Variants in PCDHA10 observed in about 807,000 individuals in gnomAD.
PCDHA10 encodes protocadherin alpha 10.
Under a neutral mutation model 61.2 loss-of-function variants are expected in PCDHA10, and 45 were observed. The ratio of observed to expected loss-of-function variants is 0.74; its 90% CI spans 0.58 to 0.94. The LOEUF is 0.94. Ranked by LOEUF, PCDHA10 falls within the 40% of genes least tolerant of loss-of-function variation. The pLI is 0.00. For synonymous variants in PCDHA10, 602 were observed against 548.8 expected (o/e 1.10, Z -1.35); for missense variants, 1,278 against 1,236.2 (o/e 1.03, Z -0.51).
chr5:140,895,820 T>A (rs1409721318), intron 1 of PCDHA10, among the ~76,000 whole-genome samples: 2 of 152,156 alleles, frequency 1.3e-5, no homozygotes, highest in Non-Finnish European at 2.9e-5. Context: ...TATTGTATTG[T>A]ATTTTTTTCA....
chr5:140,981,845 T>C (rs184071298), intron 2 of PCDHA10, among the ~76,000 whole-genome samples: 129 of 152,310 alleles, frequency 8.5e-4, no homozygotes, highest in Middle Eastern at 3.4e-3. Flanking sequence ...TCCCAGTTTG[T>C]ATCTCACTCC....
intron 1 of PCDHA10, among the ~76,000 whole-genome samples, chr5:140,879,111 T>A (rs1056977716): frequency 2.0e-4 from 30 of 152,184 alleles, no homozygotes; most frequent in African/African-American, 7.2e-4. Flanking sequence ...ATGGTGTAAT[T>A]GAAGGATTAG....
Position 141,010,015 on chromosome 5 carries a change from C to T in PCDHA10, c.*78C>T, listed in dbSNP as rs1588250671. On this transcript the variant is annotated 3_prime_UTR_variant, in exon 4 of 4. Transcript: ENST00000307360. ...CTCTCCCATGTAGCAATTCCCTGCTCCTTTTTCCTATCTACATGAGCCCTC... is the reference window on the plus strand; with the variant it reads ...CTCTCCCATGTAGCAATTCCCTGCTTCTTTTTCCTATCTACATGAGCCCTC... 7 of 1,572,182 alleles carry T rather than the reference C, an allele frequency of 4.5e-6. No individual in the cohort carries two copies. In the East Asian group the frequency reaches 1.3e-4, roughly 30 times the overall value.
Position 140,870,763 on chromosome 5 carries a change from G to C in PCDHA10, c.2388+12327G>C, listed in dbSNP as rs1386684596. The stretch of plus-strand genomic sequence containing the variant: ...CAGCAACGTGACGCTGCAGGTGTTC[G>C]TGCTGGACGAGAACGACAACGCGCC... On this transcript the variant is annotated intron_variant, in intron 1 of 3. Transcript: ENST00000307360. 1.1e-5 allele frequency: 18 copies of C among 1,613,434 alleles called. No individual in the cohort carries two copies. Among genetic ancestry groups the C allele is most frequent in the Admixed American group, 3.3e-5 (2 of 60,004 alleles).
At chr5:140,879,235 A>G (rs904336289) in intron 1 of PCDHA10, among the ~76,000 whole-genome samples, 5 of 152,240 alleles carry the variant, frequency 3.3e-5, no homozygotes, top group Middle Eastern at 3.2e-3. Flanking sequence ...CATATACAAG[A>G]GGCACTGGCA....
Position 140,857,713 on chromosome 5 carries a change from G to A in PCDHA10, c.1665G>A (p.Leu555=), listed in dbSNP as rs903592431. 5.6e-6 allele frequency: 9 copies of A among 1,597,320 alleles called. No individual in the cohort carries two copies. The highest frequency in any genetic ancestry group is 7.7e-6 in the Non-Finnish European group (9 of 1,167,706). Residue 555 remains leucine (L), a synonymous_variant, in exon 1 of 4, where the codon CTG becomes CTA. Transcript: ENST00000307360. ...ACTTGACGCTGCAGGTGTTCGTGCTGGACGAGAACGACAACGCTCCCGCGC... is the reference window on the plus strand; with the variant it reads ...ACTTGACGCTGCAGGTGTTCGTGCTAGACGAGAACGACAACGCTCCCGCGC... ...GSNLTLQVFV[L]DENDNAPALL...
chr5:140,877,236 C>T, intron 1 of PCDHA10: 8 of 1,613,686 alleles, frequency 5.0e-6, no homozygotes, highest in Non-Finnish European at 6.8e-6. Context: ...TGGGTGCGGG[C>T]CACGTGGTGG....
intron 2 of PCDHA10, among the ~76,000 whole-genome samples, chr5:140,981,928 T>A (rs141616160): frequency 6.6e-6 from 1 of 152,202 alleles, no homozygotes; most frequent in African/African-American, 2.4e-5. Context: ...GTTTCTCTAG[T>A]CTCAGGAAAT....
chr5:140,895,786 A>G (rs2065159984), intron 1 of PCDHA10, among the ~76,000 whole-genome samples: 2 of 152,080 alleles, frequency 1.3e-5, no homozygotes, highest in Non-Finnish European at 2.9e-5. Context: ...GTATTCAATG[A>G]CGTATATGTA....
intron 1 of PCDHA10, chr5:140,871,109 T>C: frequency 1.9e-6 from 3 of 1,613,236 alleles, no homozygotes; most frequent in Non-Finnish European, 2.5e-6. Context: ...GTGTCGTTGG[T>C]GGAGAGCGGA....
intron 1 of PCDHA10, among the ~76,000 whole-genome samples, chr5:140,949,264 G>A (rs139292588): frequency 4.5e-4 from 69 of 151,784 alleles, no homozygotes; most frequent in Admixed American, 2.4e-3. Flanking sequence ...AACATATCAC[G>A]TGCACTTGAA....
At chr5:140,876,395 T>C (rs1562712555) in intron 1 of PCDHA10, 2 of 1,613,920 alleles carry the variant, frequency 1.2e-6, no homozygotes, top group Non-Finnish European at 8.5e-7. Flanking sequence ...TATGGTGAAC[T>C]GGATTTTGAA....
intron 1 of PCDHA10, chr5:140,927,274 G>T: frequency 6.2e-7 from 1 of 1,614,100 alleles, no homozygotes; most frequent in Non-Finnish European, 8.5e-7. Context: ...TCCTGCCGGC[G>T]ACGTGCAGCT....
In PCDHA10 at chr5:140,857,970, C is replaced by A. The variant is rs782641512; in HGVS notation, c.1922C>A (p.Ser641Ter). ...STTRALDETD[S>*]PRQRLLVLVK... ...ACGCGCGCTCTGGATGAGACTGACT[C>A]GCCACGCCAGCGCCTACTGGTGCTG... The change falls in exon 1 of 4, where the codon TCG becomes TAG. Residue 641 changes from serine (S) to a stop codon, truncating the protein, a stop_gained. Transcript: ENST00000307360. LOFTEE classifies it high-confidence loss of function. The A allele has an allele frequency of 6.3e-7, 1 of 1,596,952 alleles. No individual in the cohort carries two copies. Among genetic ancestry groups the A allele is most frequent in the Non-Finnish European group, 8.6e-7 (1 of 1,167,224 alleles).
chr5:140,926,827 C>G, intron 1 of PCDHA10: 1 of 1,500,674 alleles, frequency 6.7e-7, no homozygotes, highest in Non-Finnish European at 8.9e-7. Context: ...CTCCAGGAGT[C>G]CGGAGCATGG....
Position 140,858,184 on chromosome 5 carries a change from G to T in PCDHA10, c.2136G>T (p.Thr712=), listed in dbSNP as rs782618700. The T allele has an allele frequency of 3.1e-6, 5 of 1,597,468 alleles. 1 individual carries two copies. In the South Asian group the frequency reaches 4.4e-5, roughly 14 times the overall value. ...ICAVSSLLVL[T]LLLYTALRCS... Reference sequence around the variant, plus strand: ...CGGTGTCCAGCTTGCTGGTGCTCACGCTGCTGCTGTACACTGCACTGAGGT... The same window carrying T: ...CGGTGTCCAGCTTGCTGGTGCTCACTCTGCTGCTGTACACTGCACTGAGGT... Residue 712 remains threonine (T), a synonymous_variant, in exon 1 of 4, where the codon ACG becomes ACT. Transcript: ENST00000307360.
chr5:140,887,196 A>T (rs180902279), intron 1 of PCDHA10, among the ~76,000 whole-genome samples: 49 of 151,316 alleles, frequency 3.2e-4, no homozygotes, highest in African/African-American at 1.1e-3. Context: ...TCCCGGGTTC[A>T]CGCCATTCTC....
At chr5:140,875,859 C>G (rs1381473536) in intron 1 of PCDHA10, 1 of 1,614,038 alleles carries the variant, frequency 6.2e-7, no homozygotes, top group Non-Finnish European at 8.5e-7. Flanking sequence ...TTAACGACAA[C>G]CCGCCGGTGT....
chr5:140,934,915 A>G (rs1324840546), intron 1 of PCDHA10, among the ~76,000 whole-genome samples: 3 of 152,132 alleles, frequency 2.0e-5, no homozygotes, highest in Non-Finnish European at 4.4e-5. Context: ...ATAATTATGG[A>G]TTCACATAAA....
Sources: gnomAD v4.1 joint callset for allele counts (sites outside exome capture counted in the v4.1 genomes callset) on GRCh38, gnomAD v4.1.1 for gene constraint, MANE v1.5 for transcripts, NCBI Gene and HGNC (gene_info 2026-07-23, HGNC 2026-07-21) for gene names.